The following APBB2 variants were observed in gnomAD, a reference collection of about 807,000 sequenced individuals.
APBB2 encodes the protein amyloid beta precursor protein binding family B member 2, also known as Fe65-like 1.
In APBB2, 38 loss-of-function variants were observed where a neutral mutation model predicts 82.5. The observed-to-expected ratio is 0.46, with a 90% CI of 0.36 to 0.60. The LOEUF is 0.60. APBB2 is among the 20% of genes least tolerant of loss of function. The probability of loss-of-function intolerance (pLI) is 0.00; values close to 1 mark genes in which losing one functional copy is unlikely to be tolerated. For synonymous variants in APBB2, 341 were observed against 368.2 expected (o/e 0.93, Z 0.85); for missense variants, 772 against 972.3 (o/e 0.79, Z 2.74).
At chr4:41,025,958 A>G (rs546799975) in intron 5 of APBB2, among the ~76,000 whole-genome samples, 16 of 151,608 alleles carry the variant, frequency 1.1e-4, no homozygotes, top group African/African-American at 2.7e-4. Flanking sequence ...AAAAAAAAAA[A>G]AAAAAGAAAA....
chr4:41,067,222 C>T (rs1732207268), intron 3 of APBB2, among the ~76,000 whole-genome samples: 1 of 152,072 alleles, frequency 6.6e-6, no homozygotes, highest in African/African-American at 2.4e-5. Context: ...CCAGCCTGAC[C>T]AACAGGGAGA....
chr4:40,816,353 C>G lies in APBB2; in HGVS notation c.2113-94G>C, dbSNP rs1260181920. On this transcript the variant is annotated intron_variant, in intron 17 of 17. Coordinates refer to ENST00000508593, the MANE Select transcript of APBB2 (RefSeq NM_004307.2). ...GTCATGACCCATAATACATTGACTC[C>G]CAAAGGTTAACGACCTAGTTCCTAA... is the stretch of plus-strand genomic sequence containing the variant. 5 of 1,362,462 alleles carry G rather than the reference C, an allele frequency of 3.7e-6. No individual in the cohort carries two copies. The Admixed American group carries it at 9.6e-5, about 26-fold the overall frequency. 84.4% of individuals were successfully genotyped at this position (1,362,462 alleles called of 1,614,324 possible). A position where few individuals can be genotyped will look rare whatever the true frequency, so the allele number is the denominator to read the frequency against.
intron 10 of APBB2, among the ~76,000 whole-genome samples, chr4:40,907,097 T>C (rs1776970266): frequency 6.6e-6 from 1 of 151,974 alleles, no homozygotes; most frequent in African/African-American, 2.4e-5. Flanking sequence ...TTCAATCAAC[T>C]TAATCCACAT....
intron 10 of APBB2, among the ~76,000 whole-genome samples, chr4:40,921,027 A>AC (rs1420425517): frequency 6.6e-6 from 1 of 152,124 alleles, no homozygotes; most frequent in Non-Finnish European, 1.5e-5. Flanking sequence ...AAGCCACCGA[A>AC]CCCTCTGTGC....
At chr4:41,041,032 C>T (rs1052411670) in intron 4 of APBB2, among the ~76,000 whole-genome samples, 4 of 152,134 alleles carry the variant, frequency 2.6e-5, no homozygotes, top group Non-Finnish European at 4.4e-5. Context: ...AAGCGCCCAC[C>T]ACCACACCCG....
intron 5 of APBB2, 171 bp from the exon 6 acceptor site, chr4:41,014,569 ACAG>A: frequency 1.4e-6 from 1 of 694,038 alleles, no homozygotes; most frequent in Middle Eastern, 3.9e-4. Context: ...CCTATATTAA[ACAG>A]GAGCAAATAA....
At chr4:40,898,818 C>CA (rs1433153420) in intron 10 of APBB2, among the ~76,000 whole-genome samples, 39 of 140,110 alleles carry the variant, frequency 2.8e-4, no homozygotes, top group South Asian at 6.9e-4. Context: ...GACTCCATCT[C>CA]AAAAAAAAAA....
intron 12 of APBB2, among the ~76,000 whole-genome samples, chr4:40,888,499 T>G (rs1414919182): frequency 6.6e-6 from 1 of 151,754 alleles, no homozygotes; most frequent in Non-Finnish European, 1.5e-5. Flanking sequence ...AGCTCCACAC[T>G]TTGGCTCCTG....
intron 10 of APBB2, among the ~76,000 whole-genome samples, chr4:40,910,719 C>T (rs1353083365): frequency 1.3e-5 from 2 of 152,268 alleles, no homozygotes; most frequent in African/African-American, 2.4e-5. Context: ...GATGAAGACA[C>T]TCGAGCTTGA....
chr4:40,992,383 G>A (rs1400485288), intron 6 of APBB2, among the ~76,000 whole-genome samples: 1 of 146,366 alleles, frequency 6.8e-6, no homozygotes, highest in African/African-American at 2.5e-5. Flanking sequence ...TTTCTATGTT[G>A]CCCATGCTGG....
chr4:41,034,185 A>G (rs1579420196), intron 4 of APBB2, among the ~76,000 whole-genome samples: 1 of 152,240 alleles, frequency 6.6e-6, no homozygotes, highest in African/African-American at 2.4e-5. Flanking sequence ...ATTCTTCTGA[A>G]GTCAAAAGAC....
At chr4:40,988,425 C>T (rs1800993967) in intron 6 of APBB2, among the ~76,000 whole-genome samples, 1 of 151,854 alleles carries the variant, frequency 6.6e-6, no homozygotes, top group Non-Finnish European at 1.5e-5. Context: ...CACCTAAGGT[C>T]AGGAGTTCGA....
At chr4:41,108,589 C>T (rs1171240004) in intron 2 of APBB2, among the ~76,000 whole-genome samples, 1 of 152,200 alleles carries the variant, frequency 6.6e-6, no homozygotes, top group Non-Finnish European at 1.5e-5. Flanking sequence ...GTGAGAAACG[C>T]TGTGCAGGTG....
intron 6 of APBB2, among the ~76,000 whole-genome samples, chr4:41,012,631 A>G (rs1390320686): frequency 6.6e-6 from 1 of 152,024 alleles, no homozygotes; most frequent in Non-Finnish European, 1.5e-5. Context: ...TAGTCCTTGT[A>G]ATTTATCTAC....
In APBB2 at chr4:41,103,286, G is replaced by GT. The variant is rs1746071843; in HGVS notation, c.-260-2537dup. On this transcript the variant is annotated intron_variant, in intron 2 of 17. Transcript: ENST00000508593. ...CCATTTTGGACAGATCAAGATGACG[G>GT]TGTTATAAAGATAGATTCTTGCAGA... is the stretch of plus-strand genomic sequence containing the variant. Among the ~76,000 whole-genome samples the GT allele has an allele frequency of 2.6e-5, 4 of 152,238 alleles. 1 individual carries two copies. In the East Asian group the frequency reaches 7.7e-4, roughly 29 times the overall value.
At chr4:41,018,681 A>C (rs950971415) in intron 5 of APBB2, among the ~76,000 whole-genome samples, 1 of 152,234 alleles carries the variant, frequency 6.6e-6, no homozygotes, top group Non-Finnish European at 1.5e-5. Flanking sequence ...ACATTAAAGA[A>C]GTAATGTAGA....
intron 11 of APBB2, chr4:40,893,059 C>A: frequency 2.0e-6 from 1 of 491,024 alleles, no homozygotes; most frequent in Non-Finnish European, 3.5e-6. Context: ...CGCTCTCTCT[C>A]CAGGCCCCAG....
intron 1 of APBB2, among the ~76,000 whole-genome samples, chr4:41,194,340 G>T: frequency 2.6e-4 from 39 of 152,226 alleles, no homozygotes; most frequent in Admixed American, 7.8e-4. Context: ...AAAGAAGAGA[G>T]ATCATTTATA....
intron 12 of APBB2, among the ~76,000 whole-genome samples, chr4:40,855,663 G>A (rs1760953249): frequency 6.6e-6 from 1 of 152,098 alleles, no homozygotes; most frequent in Non-Finnish European, 1.5e-5. Flanking sequence ...TTGAACCTGG[G>A]AGGCAGAGGT....
Sources: gnomAD v4.1 joint callset for allele counts (sites outside exome capture counted in the v4.1 genomes callset) on GRCh38, gnomAD v4.1.1 for gene constraint, MANE v1.5 for transcripts, NCBI Gene and HGNC (gene_info 2026-07-23, HGNC 2026-07-21) for gene names.